The following TMEM200A variants were observed in gnomAD, a reference collection of about 807,000 sequenced individuals.
The protein encoded by TMEM200A is two transmembrane C.
In TMEM200A, 12 loss-of-function variants were observed where a neutral mutation model predicts 24.3. That is an observed-to-expected ratio of 0.49 (90% CI 0.32 to 0.80). The LOEUF (loss-of-function observed/expected upper bound fraction) is 0.80. Ranked by LOEUF, TMEM200A falls within the 30% of genes least tolerant of loss-of-function variation. The probability of loss-of-function intolerance (pLI) is 0.04; values close to 1 mark genes in which losing one functional copy is unlikely to be tolerated. For missense variants in TMEM200A, 545 were observed against 614.4 expected (o/e 0.89, Z 1.19); for synonymous variants, 224 against 224.4 (o/e 1.00, Z 0.02).
At position 130,366,531 on chromosome 6, in the gene TMEM200A, G is replaced by A; in HGVS notation, c.-81+7G>A. 2 of 985,866 alleles carry A rather than the reference G, an allele frequency of 2.0e-6. No individual in the cohort carries two copies. The highest frequency in any genetic ancestry group is 2.4e-6 in the Non-Finnish European group (2 of 830,296). 61.1% of individuals were successfully genotyped at this position (985,866 alleles called of 1,614,324 possible). A position where few individuals can be genotyped will look rare whatever the true frequency, so the allele number is the denominator to read the frequency against. ...GGCCCGGTGCTCAGGACAGGTGAGG[G>A]GAAGGAAAGGGTGCTGACGGGAGTG... On this transcript the variant is annotated splice_region_variant and intron_variant, in intron 1 of 2. Coordinates refer to ENST00000296978, the MANE Select transcript of TMEM200A (RefSeq NM_001258277.2). This position sits in a 1 kb window ranked among gnomAD's most constrained non-coding sequence, Gnocchi z 4.4.
chr6:130,398,297 A>G (rs1779001064), intron 2 of TMEM200A, among the ~76,000 whole-genome samples: 1 of 152,058 alleles, frequency 6.6e-6, no homozygotes, highest in Non-Finnish European at 1.5e-5. Flanking sequence ...AAAGGACATT[A>G]TTTAATTTTT....
chr6:130,408,694 G>A (rs1200313954), intron 2 of TMEM200A, among the ~76,000 whole-genome samples: 1 of 152,144 alleles, frequency 6.6e-6, no homozygotes, highest in African/African-American at 2.4e-5. Context: ...GTGTTTTGTG[G>A]AGGGGTTTGG....
intron 2 of TMEM200A, among the ~76,000 whole-genome samples, chr6:130,429,784 A>G (rs1383184234): frequency 2.0e-5 from 3 of 152,216 alleles, no homozygotes; most frequent in Non-Finnish European, 4.4e-5. Context: ...AATTTTCTGT[A>G]TGCTAAAAGA....
intron 1 of TMEM200A, among the ~76,000 whole-genome samples, chr6:130,370,473 C>T (rs1778294011): frequency 6.6e-6 from 1 of 152,120 alleles, no homozygotes; most frequent in African/African-American, 2.4e-5. Context: ...AGTTGTGGTT[C>T]TCCCAAGAAA....
chr6:130,440,866 T>C lies in TMEM200A; in HGVS notation c.444T>C (p.His148=), dbSNP rs1583238845. 6.2e-7 allele frequency: 1 copy of C among 1,614,066 alleles called. No homozygotes were observed. Among genetic ancestry groups the C allele is most frequent in the Non-Finnish European group, 8.5e-7 (1 of 1,179,978 alleles). The change falls in exon 3 of 3, where the codon CAT becomes CAC. Residue 148 remains histidine, a synonymous_variant. Coordinates refer to ENST00000296978, the MANE Select transcript of TMEM200A (RefSeq NM_001258277.2). ...FIFICANAIL[H]ENRDKETKII... ...TCATTTGTGCTAATGCCATTCTTCA[T>C]GAAAACCGTGACAAAGAGACCAAAA...
rs903041969 is a variant in TMEM200A, at chr6:130,442,986, C to T, written c.*1088C>T. 1.8e-5 allele frequency: 3 copies of T among 166,870 alleles called. No homozygotes were observed. The highest frequency in any genetic ancestry group is 1.9e-4 in the East Asian group (1 of 5,206). 10.3% of individuals were successfully genotyped at this position (166,870 alleles called of 1,614,324 possible). A position where few individuals can be genotyped will look rare whatever the true frequency, so the allele number is the denominator to read the frequency against. On this transcript the variant is annotated 3_prime_UTR_variant, in exon 3 of 3. Coordinates refer to ENST00000296978, the MANE Select transcript of TMEM200A (RefSeq NM_001258277.2). ...TATGATAACTCCAAAGACTTTCTTA[C>T]GGTATAATACATGTTGTTTAGGATT...
Position 130,440,702 on chromosome 6 carries a change from G to A in TMEM200A, c.280G>A (p.Glu94Lys), listed in dbSNP as rs1281919864. 6.2e-7 allele frequency: 1 copy of A among 1,613,970 alleles called. No homozygotes were observed. Among genetic ancestry groups the A allele is most frequent in the African/African-American group, 1.3e-5 (1 of 74,920 alleles). Residue 94 changes from glutamate (E) to lysine (K), a missense_variant, in exon 3 of 3, where the codon GAA (glutamate) becomes AAA (lysine). Coordinates refer to ENST00000296978, the MANE Select transcript of TMEM200A (RefSeq NM_001258277.2). ...WPQKEHFIDA[E>K]TTLSTNETQV... The stretch of plus-strand genomic sequence containing the variant: ...CCAAAAAGAACATTTTATTGATGCT[G>A]AAACAACACTGTCAACAAATGAAAC...
intron 1 of TMEM200A, among the ~76,000 whole-genome samples, chr6:130,380,439 G>T (rs1778569495): frequency 6.6e-6 from 1 of 152,176 alleles, no homozygotes; most frequent in South Asian, 2.1e-4. Context: ...ACACTATAAG[G>T]AAAGTATAAA....
intron 2 of TMEM200A, among the ~76,000 whole-genome samples, chr6:130,435,430 T>C (rs1166586849): frequency 6.6e-6 from 1 of 152,210 alleles, no homozygotes; most frequent in Non-Finnish European, 1.5e-5. Context: ...CTGATCAATA[T>C]AGTCTCAGGC....
At chr6:130,425,948 CTAAT>C (rs1343996593) in intron 2 of TMEM200A, among the ~76,000 whole-genome samples, 3 of 151,502 alleles carry the variant, frequency 2.0e-5, no homozygotes, top group African/African-American at 7.3e-5. Context: ...TAAACAAATG[CTAAT>C]TATTTATTTA....
At chr6:130,382,283 G>C (rs1778617572) in intron 1 of TMEM200A, among the ~76,000 whole-genome samples, 1 of 152,204 alleles carries the variant, frequency 6.6e-6, no homozygotes, top group African/African-American at 2.4e-5. Flanking sequence ...ACACTGCCCA[G>C]TGTTGTTCCC....
At chr6:130,432,758 A>G (rs1209391774) in intron 2 of TMEM200A, among the ~76,000 whole-genome samples, 1 of 152,216 alleles carries the variant, frequency 6.6e-6, no homozygotes, top group Non-Finnish European at 1.5e-5. Context: ...TATCACTAAT[A>G]TCACTCACGT....
At chr6:130,387,243 A>G (rs117923631) in intron 2 of TMEM200A, among the ~76,000 whole-genome samples, 2,806 of 152,256 alleles carry the variant, frequency 0.018, 25 homozygotes, top group Non-Finnish European at 0.027. Context: ...TCTTTGTAGC[A>G]GAATGGATAT....
At chr6:130,384,990 G>A (rs1372096769) in intron 1 of TMEM200A, among the ~76,000 whole-genome samples, 183 bp from the exon 2 acceptor site, 1 of 152,198 alleles carries the variant, frequency 6.6e-6, no homozygotes, top group Non-Finnish European at 1.5e-5. Context: ...TCTGGTGGCA[G>A]AAAGAAACAC....
chr6:130,408,900 C>T (rs1337714430), intron 2 of TMEM200A, among the ~76,000 whole-genome samples: 2 of 152,124 alleles, frequency 1.3e-5, no homozygotes, highest in Non-Finnish European at 2.9e-5. Flanking sequence ...CCTGTAGGTG[C>T]CACATCTGAT....
In TMEM200A at chr6:130,411,118, G is replaced by A. The variant is rs146122356; in HGVS notation, c.-17+25882G>A. ...TGGGAGGCAGAGGTTGCAGTGAGCC[G>A]AGATTGTGCCATTGCATTCCAGCTT... On this transcript the variant is annotated intron_variant, in intron 2 of 2. Coordinates refer to ENST00000296978, the MANE Select transcript of TMEM200A (RefSeq NM_001258277.2). Among the ~76,000 whole-genome samples, 656 of 151,834 alleles carry A rather than the reference G, an allele frequency of 4.3e-3. 7 individuals carry two copies. The highest frequency in any genetic ancestry group is 0.015 in the African/African-American group (612 of 41,404).
At chr6:130,401,434 T>TTTCCTTCCTTCC (rs66555845) in intron 2 of TMEM200A, among the ~76,000 whole-genome samples, 1 of 144,810 alleles carries the variant, frequency 6.9e-6, no homozygotes, top group Non-Finnish European at 1.5e-5. Context: ...TCTTTCTCTC[T>TTTCCTTCCTTCC]TTCCTTCCTT....
At chr6:130,440,199 C>T (rs2115238215) in intron 2 of TMEM200A, among the ~76,000 whole-genome samples, 1 of 151,912 alleles carries the variant, frequency 6.6e-6, no homozygotes, top group East Asian at 1.9e-4. Flanking sequence ...TTTACTTAGC[C>T]AAAAAGGAAA....
At chr6:130,407,247 C>G (rs528527071) in intron 2 of TMEM200A, among the ~76,000 whole-genome samples, 4 of 152,216 alleles carry the variant, frequency 2.6e-5, no homozygotes, top group Non-Finnish European at 5.9e-5. Context: ...AATACAGTGA[C>G]AGAAGCAAAA....
Sources: allele counts gnomAD v4.1 joint callset (sites outside exome capture counted in the v4.1 genomes callset), GRCh38; gene constraint gnomAD v4.1.1; non-coding constraint Gnocchi (gnomAD v3.1); transcripts MANE v1.5; gene names NCBI Gene and HGNC (gene_info 2026-07-23, HGNC 2026-07-21).